The following ITPR2 variants were observed in gnomAD, a reference collection of about 807,000 sequenced individuals.
ITPR2 encodes inositol 1,4,5-trisphosphate receptor type 2.
ITPR2 carries 207 observed loss-of-function variants against 317.1 expected under a neutral mutation model. The ratio of observed to expected loss-of-function variants is 0.65; its 90% CI spans 0.58 to 0.73. The LOEUF (loss-of-function observed/expected upper bound fraction) is 0.73. ITPR2 is among the 30% of genes least tolerant of loss of function. The pLI is 0.00. For synonymous variants in ITPR2, 1,156 were observed against 1,149.1 expected (o/e 1.01, Z -0.12); for missense variants, 2,613 against 3,284.0 (o/e 0.80, Z 4.99).
intron 2 of ITPR2, among the ~76,000 whole-genome samples, chr12:26,761,790 C>T (rs1949639638): frequency 1.3e-5 from 2 of 152,192 alleles, no homozygotes; most frequent in Admixed American, 6.5e-5. Flanking sequence ...GAGCGAGATC[C>T]TGTCTCTAAA....
In ITPR2 at chr12:26,543,387, CAG is replaced by C. The variant is rs1010592780; in HGVS notation, c.5073+6858_5073+6859del. On this transcript the variant is annotated intron_variant, in intron 37 of 56. Coordinates refer to ENST00000381340, the MANE Select transcript of ITPR2 (RefSeq NM_002223.4). ...TGTTTGTGTGTGTGTGTGACAGAGA[CAG>C]GGGAAGAGAGAGAGAGAGAGGAGAG... 2.9e-4 allele frequency among the ~76,000 whole-genome samples: 44 copies of C among 151,684 alleles called. 1 individual carries two copies. Among genetic ancestry groups the C allele is most frequent in the Admixed American group, 7.9e-4 (12 of 15,198 alleles).
intron 39 of ITPR2, among the ~76,000 whole-genome samples, chr12:26,488,069 A>G (rs1293299518): frequency 6.6e-6 from 1 of 152,204 alleles, no homozygotes; most frequent in South Asian, 2.1e-4. Context: ...GGAAGTGTCC[A>G]GGAGAAGCAG....
intron 45 of ITPR2, among the ~76,000 whole-genome samples, chr12:26,449,711 T>G (rs543889554): frequency 6.6e-6 from 1 of 152,026 alleles, no homozygotes; most frequent in Admixed American, 6.6e-5. Flanking sequence ...TGATTCTGCA[T>G]AGAGAGAGGG....
intron 37 of ITPR2, among the ~76,000 whole-genome samples, chr12:26,543,061 A>ATT (rs2136987092): frequency 6.6e-6 from 1 of 152,236 alleles, no homozygotes; most frequent in South Asian, 2.1e-4. Flanking sequence ...ATAACTTGTA[A>ATT]TGCTCTATAA....
At chr12:26,705,029 C>T (rs1437279597) in intron 9 of ITPR2, among the ~76,000 whole-genome samples, 1 of 152,190 alleles carries the variant, frequency 6.6e-6, no homozygotes, top group East Asian at 1.9e-4. Flanking sequence ...TAATACTCTG[C>T]AATATCTAGC....
intron 31 of ITPR2, among the ~76,000 whole-genome samples, chr12:26,595,975 AT>A: frequency 6.6e-6 from 1 of 152,258 alleles, no homozygotes; most frequent in South Asian, 2.1e-4. Flanking sequence ...CATTATCGCA[AT>A]GTACATTCCT....
intron 5 of ITPR2, among the ~76,000 whole-genome samples, chr12:26,720,079 T>G (rs1272233658): frequency 1.3e-5 from 2 of 152,192 alleles, no homozygotes; most frequent in Non-Finnish European, 2.9e-5. Context: ...AAGGGCTTTG[T>G]ATACAGCTGA....
At chr12:26,772,491 C>CATTAT (rs3064583) in intron 2 of ITPR2, among the ~76,000 whole-genome samples, 1 of 100,506 alleles carries the variant, frequency 9.9e-6, no homozygotes, top group Admixed American at 1.1e-4. Flanking sequence ...ATATATAATA[C>CATTAT]ATATAATACA....
At chr12:26,776,752 G>T (rs1473932850) in intron 2 of ITPR2, among the ~76,000 whole-genome samples, 2 of 152,128 alleles carry the variant, frequency 1.3e-5, no homozygotes, top group African/African-American at 4.8e-5. Context: ...GATAAACCCT[G>T]CACTGCCTGA....
At chr12:26,485,472 A>G (rs894091341) in intron 41 of ITPR2, among the ~76,000 whole-genome samples, 5 of 152,194 alleles carry the variant, frequency 3.3e-5, no homozygotes, top group African/African-American at 7.2e-5. Context: ...TCTGGAAGCA[A>G]TGTTTCTGGC....
At chr12:26,739,153 A>C (rs562813718) in intron 2 of ITPR2, among the ~76,000 whole-genome samples, 54 of 152,238 alleles carry the variant, frequency 3.5e-4, no homozygotes, top group Non-Finnish European at 7.3e-4. Flanking sequence ...AAAGAATGAC[A>C]ATGTCATGTG....
At chr12:26,499,191 A>T (rs1320594892) in intron 37 of ITPR2, among the ~76,000 whole-genome samples, 1 of 152,256 alleles carries the variant, frequency 6.6e-6, no homozygotes, top group African/African-American at 2.4e-5. Flanking sequence ...AAATAAAAAT[A>T]AGCATCATAT....
At chr12:26,681,833 C>T (rs1407073461) in intron 13 of ITPR2, 41 bp downstream of exon 13, 2 of 1,438,990 alleles carry the variant, frequency 1.4e-6, no homozygotes, top group South Asian at 2.3e-5. Flanking sequence ...TAACAATTGA[C>T]AACTGACTCG....
intron 30 of ITPR2, among the ~76,000 whole-genome samples, chr12:26,598,556 A>C (rs1945911175): frequency 6.6e-6 from 1 of 152,234 alleles, no homozygotes; most frequent in Admixed American, 6.5e-5. Context: ...CTCATTACAT[A>C]AATATCACTC....
Position 26,483,838 on chromosome 12 carries a change from A to G in ITPR2, c.5872T>C (p.Phe1958Leu). 1 of 1,614,212 alleles carries G rather than the reference A, an allele frequency of 6.2e-7. No homozygotes were observed. The highest frequency in any genetic ancestry group is 1.1e-5 in the South Asian group (1 of 91,092). The change falls in exon 42 of 57, where the codon TTT becomes CTT. Residue 1958 changes from phenylalanine to leucine, a missense_variant. Phe to Leu is a conservative substitution (Grantham distance 22). Coordinates refer to ENST00000381340, the MANE Select transcript of ITPR2 (RefSeq NM_002223.4). ...NYNLVCETLQ[F>L]LDCICGSTTG... ...GTACTTCCACAAATGCAGTCCAGAAACTGAAGGGTCTCACAGACTAGGTTG... is the reference window on the plus strand; with the variant it reads ...GTACTTCCACAAATGCAGTCCAGAAGCTGAAGGGTCTCACAGACTAGGTTG...
Position 26,616,324 on chromosome 12 carries a change from A to G in ITPR2, c.3462+4799T>C, listed in dbSNP as rs374021297. On this transcript the variant is annotated intron_variant, in intron 26 of 56. Transcript: ENST00000381340. Reference sequence around the variant, plus strand: ...AGCTAATTTTTTGTATTTTTAGTAGAGATGGGGTTTCACTGTGTTAGCCAG... The same window carrying G: ...AGCTAATTTTTTGTATTTTTAGTAGGGATGGGGTTTCACTGTGTTAGCCAG... 2.6e-4 allele frequency among the ~76,000 whole-genome samples: 40 copies of G among 151,968 alleles called. No individual in the cohort carries two copies. In the East Asian group the frequency reaches 4.4e-3, roughly 17 times the overall value.
intron 37 of ITPR2, among the ~76,000 whole-genome samples, chr12:26,526,113 A>C (rs1322487594): frequency 6.6e-6 from 1 of 152,180 alleles, no homozygotes; most frequent in Non-Finnish European, 1.5e-5. Flanking sequence ...TCATGTGTTT[A>C]TTGGGTAGTC....
chr12:26,695,832 G>A (rs1242830688), intron 9 of ITPR2, among the ~76,000 whole-genome samples, 182 bp from the exon 10 acceptor site: 1 of 152,132 alleles, frequency 6.6e-6, no homozygotes, highest in Non-Finnish European at 1.5e-5. Flanking sequence ...AGTTGCAGGA[G>A]ACAAAAGCTG....
intron 1 of ITPR2, among the ~76,000 whole-genome samples, chr12:26,791,499 G>T (rs145336397): frequency 6.6e-6 from 1 of 152,134 alleles, no homozygotes; most frequent in Non-Finnish European, 1.5e-5. Context: ...AGTTTATCTA[G>T]TTACTGGAAG....
Sources: allele counts gnomAD v4.1 joint callset (sites outside exome capture counted in the v4.1 genomes callset), GRCh38; gene constraint gnomAD v4.1.1; transcripts MANE v1.5; gene names NCBI Gene and HGNC (gene_info 2026-07-23, HGNC 2026-07-21).